GABRR1: variants seen among roughly 807,000 people sequenced by gnomAD.
GABRR1 encodes the protein gamma-aminobutyric acid receptor subunit rho-1.
In GABRR1, 59 loss-of-function variants were observed where a neutral mutation model predicts 55.5. The observed-to-expected ratio is 1.06, with a 90% CI of 0.86 to 1.32. The LOEUF (loss-of-function observed/expected upper bound fraction) is 1.32. Ranked by LOEUF, GABRR1 falls within the 40% of genes most tolerant of loss-of-function variation. The pLI, the probability that GABRR1 is intolerant of heterozygous loss-of-function variation, is 0.00. For synonymous variants in GABRR1, 213 were observed against 226.0 expected (o/e 0.94, Z 0.51); for missense variants, 602 against 619.1 (o/e 0.97, Z 0.29).
intron 1 of GABRR1, among the ~76,000 whole-genome samples, chr6:89,208,017 C>A (rs566643319): frequency 6.6e-6 from 1 of 152,346 alleles, no homozygotes; most frequent in African/African-American, 2.4e-5. Flanking sequence ...GGCTTCGAAA[C>A]CTTTCAAGTC....
chr6:89,181,831 T>C (rs1771730570), intron 8 of GABRR1, 74 bp downstream of exon 8: 3 of 1,384,880 alleles, frequency 2.2e-6, no homozygotes, highest in African/African-American at 2.9e-5. Flanking sequence ...TTGAAAAGAA[T>C]GGTTTTATCT....
chr6:89,179,180 G>A (rs1771639842), intron 9 of GABRR1, 117 bp from the exon 10 acceptor site: 1 of 1,022,968 alleles, frequency 9.8e-7, no homozygotes, highest in African/African-American at 1.6e-5. Flanking sequence ...AGTTTGGGAA[G>A]AGGGTAGGTA....
At position 89,185,543 on chromosome 6, in the gene GABRR1, C is replaced by T. The variant is rs1771877294; in HGVS notation, c.656-93G>A. The T allele has an allele frequency of 2.9e-5, 31 of 1,051,740 alleles. 1 individual carries two copies. The South Asian group carries it at 3.9e-4, about 13-fold the overall frequency. 65.2% of individuals were successfully genotyped at this position (1,051,740 alleles called of 1,614,324 possible). ...AGAAGCTGTGTCCTGACCTCCCACA[C>T]TGACTACTGGGATTGTGATATGATA... On this transcript the variant is annotated intron_variant, in intron 6 of 9. Transcript: ENST00000454853.
At chr6:89,200,241 C>CTTTTTTTT (rs10603486) in intron 3 of GABRR1, among the ~76,000 whole-genome samples, 2 of 86,364 alleles carry the variant, frequency 2.3e-5, no homozygotes, top group Admixed American at 1.6e-4. Context: ...TTCTTTTTCC[C>CTTTTTTTT]TTTTTTTTTT....
intron 5 of GABRR1, among the ~76,000 whole-genome samples, chr6:89,197,259 C>T (rs567068566): frequency 6.6e-6 from 1 of 152,198 alleles, no homozygotes; most frequent in South Asian, 2.1e-4. Context: ...TTCATCAGCA[C>T]GGAAGCCAAA....
intron 1 of GABRR1, among the ~76,000 whole-genome samples, chr6:89,210,987 A>G (rs894202096): frequency 1.3e-5 from 2 of 152,060 alleles, no homozygotes; most frequent in African/African-American, 4.8e-5. Context: ...TATTGGAGGA[A>G]GAAAAAAAAT....
chr6:89,199,096 A>G (rs1772386842), intron 4 of GABRR1, among the ~76,000 whole-genome samples: 1 of 152,108 alleles, frequency 6.6e-6, no homozygotes, highest in Non-Finnish European at 1.5e-5. Context: ...TGCTGCTTAC[A>G]TTTGAGAGCT....
At chr6:89,193,969 A>G (rs1462142124) in intron 5 of GABRR1, among the ~76,000 whole-genome samples, 1 of 152,128 alleles carries the variant, frequency 6.6e-6, no homozygotes, top group Non-Finnish European at 1.5e-5. Flanking sequence ...CATGACTTCT[A>G]CACTGGAAAA....
chr6:89,194,912 C>A (rs962423362), intron 5 of GABRR1, among the ~76,000 whole-genome samples: 11 of 152,028 alleles, frequency 7.2e-5, no homozygotes, highest in Admixed American at 5.2e-4. Flanking sequence ...AGGACCAAAT[C>A]TAAGAATTAT....
intron 1 of GABRR1, among the ~76,000 whole-genome samples, chr6:89,214,789 C>G (rs949890385): frequency 6.6e-6 from 1 of 152,096 alleles, no homozygotes; most frequent in East Asian, 1.9e-4. Flanking sequence ...CTTTCGGAGG[C>G]CAAGGTGGGA....
chr6:89,183,929 G>A (rs1771810324), intron 7 of GABRR1, among the ~76,000 whole-genome samples: 1 of 152,098 alleles, frequency 6.6e-6, no homozygotes, highest in African/African-American at 2.4e-5. Flanking sequence ...CACCACTCAG[G>A]TGACAGATGT....
rs950790840 is a variant in GABRR1, at chr6:89,230,687, A to C, written c.-411+529T>G. ...TCAAAGCTGTCAGACAGGGACATTT[A>C]AGTCTGCAGAGGTTACTGCTGTCTT... On this transcript the variant is annotated intron_variant, in intron 1 of 11. Coordinates refer to the GABRR1 transcript ENST00000369451. Among the ~76,000 whole-genome samples, 7 of 151,336 alleles carry C rather than the reference A, an allele frequency of 4.6e-5. 1 individual carries two copies. Among genetic ancestry groups the C allele is most frequent in the Admixed American group, 4.6e-4 (7 of 15,242 alleles).
In GABRR1 at chr6:89,178,973, T is replaced by C. The variant is rs757205613; in HGVS notation, c.1237A>G (p.Met413Val). The change falls in exon 10 of 10, where the codon ATG (methionine) becomes GTG (valine). Residue 413 changes from methionine to valine, a missense_variant. By Grantham distance (21) the Met-to-Val change is conservative. Coordinates refer to ENST00000454853, the MANE Select transcript of GABRR1 (RefSeq NM_002042.5). ...TCGGGCTTCTCTCCATTCTCTGGCA[T>C]GTAGTTGTCCAGGTCATTCACCTCC... ...DGEVNDLDNY[M>V]PENGEKPDRM... 13 of 1,614,006 alleles carry C rather than the reference T, an allele frequency of 8.1e-6. No homozygotes were observed. The highest frequency in any genetic ancestry group is 1.0e-5 in the Non-Finnish European group (12 of 1,180,014).
chr6:89,229,151 T>C (rs1056072053), intron 1 of GABRR1, among the ~76,000 whole-genome samples: 10 of 152,254 alleles, frequency 6.6e-5, no homozygotes, highest in African/African-American at 2.4e-4. Flanking sequence ...TGAGCCTATG[T>C]GTGTCTCTGC....
rs778850287 is a variant in GABRR1, at chr6:89,198,089, A to G, written c.503T>C (p.Ile168Thr). The G allele has an allele frequency of 1.9e-5, 31 of 1,613,950 alleles. No individual in the cohort carries two copies. Among genetic ancestry groups the G allele is most frequent in the Non-Finnish European group, 2.5e-5 (30 of 1,180,020 alleles). ...GACGTTGTCTGTGGTGGTGTCGTGG[A>G]TGAAGGAGCGTTTGGAGTGCACGAA... ...MFFVHSKRSF[I>T]HDTTTDNVML... is the part of the protein sequence containing the mutation. The change falls in exon 5 of 10, where the codon ATC becomes ACC. Residue 168 changes from isoleucine (I) to threonine (T), a missense_variant. This residue lies in a region of GABRR1 where 435 missense variants were observed against 424.2 expected (regional missense o/e 1.03). Coordinates refer to ENST00000454853, the MANE Select transcript of GABRR1 (RefSeq NM_002042.5).
At chr6:89,219,616 T>A (rs112388273), upstream of GABRR1, among the ~76,000 whole-genome samples, 2,646 of 152,358 alleles carry the variant, frequency 0.017, 43 homozygotes, top group Middle Eastern at 0.031. Context: ...AGGGATTGTC[T>A]GATCCTATAG....
At position 89,215,463 on chromosome 6, in the gene GABRR1, T is replaced by C. The variant is rs569001198; in HGVS notation, c.122+1738A>G. 4.6e-5 allele frequency among the ~76,000 whole-genome samples: 7 copies of C among 152,314 alleles called. No homozygotes were observed. In the South Asian group the frequency reaches 1.5e-3, roughly 32 times the overall value. ...GACAAATACCATATGATCTCACTTG[T>C]ATGTGAAATCTAAAACAACAGAAAT... On this transcript the variant is annotated intron_variant, in intron 1 of 9. Coordinates refer to ENST00000454853, the MANE Select transcript of GABRR1 (RefSeq NM_002042.5).
At chr6:89,217,739 C>CAA (rs1773033212), upstream of GABRR1, 3 of 164,338 alleles carry the variant, frequency 1.8e-5, no homozygotes, top group Admixed American at 6.1e-5. Flanking sequence ...CGTTAATGAG[C>CAA]TCCTCCCTGG....
At chr6:89,184,028 T>C (rs1267656167) in intron 7 of GABRR1, among the ~76,000 whole-genome samples, 1 of 152,026 alleles carries the variant, frequency 6.6e-6, no homozygotes, top group African/African-American at 2.4e-5. Flanking sequence ...TCATTTGAGG[T>C]CAAGAGTTCA....
Sources: gnomAD v4.1 joint callset for allele counts (sites outside exome capture counted in the v4.1 genomes callset) on GRCh38, gnomAD v4.1.1 for gene constraint, gnomAD v4.1.1 regional missense constraint, MANE v1.5 for transcripts, NCBI Gene and HGNC (gene_info 2026-07-23, HGNC 2026-07-21) for gene names.